The following TRIOBP variants were observed in gnomAD, a reference collection of about 807,000 sequenced individuals.
The protein encoded by TRIOBP is TRIO and F-actin binding protein.
TRIOBP carries 169 observed loss-of-function variants against 238.8 expected under a neutral mutation model. The ratio of observed to expected loss-of-function variants is 0.71; its 90% confidence interval spans 0.62 to 0.80. The LOEUF is 0.80. TRIOBP is among the 30% of genes least tolerant of loss of function. The probability of loss-of-function intolerance (pLI) is 0.00; values close to 1 mark genes in which losing one functional copy is unlikely to be tolerated. For missense variants in TRIOBP, 2,838 were observed against 3,122.6 expected (o/e 0.91, Z 2.17); for synonymous variants, 1,150 against 1,274.4 (o/e 0.90, Z 2.08).
chr22:37,762,682 G>A (rs1028291593), intron 17 of TRIOBP, among the ~76,000 whole-genome samples: 4 of 152,314 alleles, frequency 2.6e-5, no homozygotes, highest in East Asian at 1.9e-4. Context: ...GGCAGGTGGA[G>A]GAGTGACCCC....
At chr22:37,743,857 TGA>T (rs1364583696) in intron 11 of TRIOBP, among the ~76,000 whole-genome samples, 12 of 78,930 alleles carry the variant, frequency 1.5e-4, no homozygotes, top group South Asian at 5.9e-4. Flanking sequence ...TGGGTGTGTG[TGA>T]GTGTGTGCTG....
intron 3 of TRIOBP, among the ~76,000 whole-genome samples, chr22:37,707,220 G>A (rs1181174651): frequency 1.3e-5 from 2 of 152,118 alleles, no homozygotes; most frequent in East Asian, 3.9e-4. Flanking sequence ...AGGTTGCAGT[G>A]AGCCGAGATC....
In TRIOBP at chr22:37,735,224, C is replaced by A; in HGVS notation, c.4888C>A (p.Pro1630Thr). The change falls in exon 9 of 24, where the codon CCA (proline) becomes ACA (threonine). Residue 1630 changes from proline to threonine, a missense_variant. Transcript: ENST00000644935. ...DVPEQESHSQ[P>T]EGWAEATPVN... ...CCCTGAGCAGGAGTCACACAGCCAGCCAGAAGGCTGGGCCGAGGCCACCCC... is the reference window on the plus strand; with the variant it reads ...CCCTGAGCAGGAGTCACACAGCCAGACAGAAGGCTGGGCCGAGGCCACCCC... The A allele has an allele frequency of 6.2e-7, 1 of 1,606,260 alleles. No homozygotes were observed. Among genetic ancestry groups the A allele is most frequent in the Non-Finnish European group, 8.5e-7 (1 of 1,174,354 alleles).
chr22:37,713,096 T>A, intron 4 of TRIOBP, 114 bp from the exon 5 acceptor site: 1 of 930,500 alleles, frequency 1.1e-6, no homozygotes, highest in Non-Finnish European at 1.6e-6. Flanking sequence ...TGGCTCCCTT[T>A]CCCACACCAG....
intron 17 of TRIOBP, among the ~76,000 whole-genome samples, chr22:37,763,059 C>T (rs938968515): frequency 6.6e-6 from 1 of 152,136 alleles, no homozygotes; most frequent in African/African-American, 2.4e-5. Flanking sequence ...AGCCCCTGTT[C>T]GTCAGCTGAG....
intron 6 of TRIOBP, among the ~76,000 whole-genome samples, chr22:37,718,662 G>A (rs993487370): frequency 6.6e-6 from 1 of 151,948 alleles, no homozygotes; most frequent in Non-Finnish European, 1.5e-5. Context: ...AGACAAACCC[G>A]AATTGAAAGA....
At chr22:37,753,226 C>T (rs1202985727) in intron 12 of TRIOBP, among the ~76,000 whole-genome samples, 6 of 152,206 alleles carry the variant, frequency 3.9e-5, no homozygotes, top group Non-Finnish European at 7.3e-5. Flanking sequence ...AGGATGGGCG[C>T]CGCTCGCCTC....
intron 15 of TRIOBP, among the ~76,000 whole-genome samples, chr22:37,756,788 A>G (rs1601658185): frequency 6.6e-6 from 1 of 152,202 alleles, no homozygotes; most frequent in East Asian, 1.9e-4. Flanking sequence ...GTACCCAGCT[A>G]TGACTGTGGA....
chr22:37,734,204 G>C (rs554488937), intron 8 of TRIOBP, among the ~76,000 whole-genome samples, 195 bp from the exon 9 acceptor site: 1 of 152,294 alleles, frequency 6.6e-6, no homozygotes, highest in South Asian at 2.1e-4. Flanking sequence ...TCTTTTTCTG[G>C]AACTGAGGAA....
rs1924097279 is a variant in TRIOBP, at chr22:37,725,599, G to A, written c.3043G>A (p.Ala1015Thr). The part of the protein sequence containing the change: ...TSPEPSQPPC[A>T]VCIGHRDAPR... ...TCCTGAGCCCTCCCAGCCTCCATGT[G>A]CTGTGTGCATTGGGCACCGGGATGC... The change falls in exon 7 of 24, where the codon GCT becomes ACT. Residue 1015 changes from alanine (A) to threonine (T), a missense_variant. Around this residue, in one of 5 missense-constraint regions of TRIOBP, gnomAD observed 2,096 missense variants for 2,137.4 expected, o/e 0.98. Coordinates refer to ENST00000644935, the MANE Select transcript of TRIOBP (RefSeq NM_001039141.3). 1 of 1,613,858 alleles carries A rather than the reference G, an allele frequency of 6.2e-7. No homozygotes were observed. Among genetic ancestry groups the A allele is most frequent in the East Asian group, 2.2e-5 (1 of 44,870 alleles).
rs977905113 is a variant in TRIOBP, at chr22:37,759,180, G to A, written c.6240G>A (p.Glu2080=). Reference sequence around the variant, plus strand: ...TTCAGGCTCTTCGGGCCCAGCTGGAGGCGTGGCGTCTCCAAGGGGAGGCTC... The same window carrying A: ...TTCAGGCTCTTCGGGCCCAGCTGGAAGCGTGGCGTCTCCAAGGGGAGGCTC... ...KEVQALRAQL[E]AWRLQGEAPQ... is the part of the protein sequence containing the mutation. Residue 2080 remains glutamate (E), a synonymous_variant, in exon 17 of 24, where the codon GAG becomes GAA. Transcript: ENST00000644935. 2.5e-6 allele frequency: 4 copies of A among 1,612,934 alleles called. No individual in the cohort carries two copies. The highest frequency in any genetic ancestry group is 3.4e-6 in the Non-Finnish European group (4 of 1,179,964).
intron 22 of TRIOBP, 199 bp downstream of exon 22, chr22:37,771,935 A>G (rs1262558983): frequency 1.4e-6 from 1 of 691,302 alleles, no homozygotes; most frequent in African/African-American, 1.8e-5. Flanking sequence ...TGACTTCCCC[A>G]AGGCTGTACT....
In TRIOBP at chr22:37,746,044, C is replaced by CCCCGCCGT. The variant is rs1180717810; in HGVS notation, c.5322+5028_5322+5035dup. Among the ~76,000 whole-genome samples the CCCCGCCGT allele has an allele frequency of 0.31, 41,825 of 134,382 alleles. 8,039 individuals are homozygous for CCCCGCCGT. The highest frequency in any genetic ancestry group is 0.55 in the East Asian group (2,355 of 4,292). 88.2% of individuals were successfully genotyped at this position (134,382 alleles called of 152,430 possible). A position where few individuals can be genotyped will look rare whatever the true frequency, so the allele number is the denominator to read the frequency against. ...CCTTCCCTGCGGCCCCATCCGCCCA[C>CCCCGCCGT]CCCGCCGTCCCGCCGTCCCGCCGCC... On this transcript the variant is annotated intron_variant, in intron 11 of 23. Coordinates refer to ENST00000644935, the MANE Select transcript of TRIOBP (RefSeq NM_001039141.3).
At chr22:37,746,355 C>A in intron 11 of TRIOBP, 1 of 1,212,748 alleles carries the variant, frequency 8.2e-7, no homozygotes, top group Non-Finnish European at 1.0e-6. Context: ...GCCGCGGAGC[C>A]CGGCCCGAGA....
intron 3 of TRIOBP, among the ~76,000 whole-genome samples, chr22:37,702,624 T>TTCTC (rs36031958): frequency 1.4e-5 from 2 of 148,040 alleles, no homozygotes; most frequent in African/African-American, 5.0e-5. Flanking sequence ...GAGATTTTCT[T>TTCTC]TCTCTCTCTC....
intron 17 of TRIOBP, among the ~76,000 whole-genome samples, chr22:37,761,326 C>T (rs576196825): frequency 2.6e-4 from 39 of 151,618 alleles, no homozygotes; most frequent in Non-Finnish European, 2.8e-4. Flanking sequence ...TGGTGGTGGG[C>T]GCCTATAATC....
intron 6 of TRIOBP, among the ~76,000 whole-genome samples, chr22:37,722,620 G>A (rs533723646): frequency 2.0e-5 from 3 of 152,076 alleles, no homozygotes; most frequent in Admixed American, 2.0e-4. Flanking sequence ...CCAGCTACTC[G>A]GGAGGCTGAG....
chr22:37,735,039 C>G lies in TRIOBP; in HGVS notation c.4703C>G (p.Ala1568Gly), dbSNP rs569914227. 174 of 1,608,426 alleles carry G rather than the reference C, an allele frequency of 1.1e-4. 3 individuals are homozygous for G. The South Asian group carries it at 1.8e-3, about 16-fold the overall frequency. The change falls in exon 9 of 24, where the codon GCA becomes GGA. Residue 1568 changes from alanine (A) to glycine (G), a missense_variant. Ala to Gly is a moderately conservative substitution (Grantham distance 60). This residue lies in a region of TRIOBP where 2,096 missense variants were observed against 2,137.4 expected (regional missense o/e 0.98). Transcript: ENST00000644935. ...AGGGATCTGCTTGGCCTTCTCCGGG[C>G]ACCAGGAGAGGGGGTCTGGGCCCGT... The part of the protein sequence containing the change: ...DWRDLLGLLR[A>G]PGEGVWARVP...
chr22:37,739,155 C>T (rs1178212925), intron 10 of TRIOBP, among the ~76,000 whole-genome samples: 5 of 152,112 alleles, frequency 3.3e-5, no homozygotes, highest in Middle Eastern at 6.8e-3. Context: ...GTCCTGGAGG[C>T]GGGAGAGATA....
Sources: gnomAD v4.1 joint callset for allele counts (sites outside exome capture counted in the v4.1 genomes callset) on GRCh38, gnomAD v4.1.1 for gene constraint, gnomAD v4.1.1 regional missense constraint, MANE v1.5 for transcripts, NCBI Gene and HGNC (gene_info 2026-07-23, HGNC 2026-07-21) for gene names.